Variants in DCAF6 observed in about 807,000 individuals in gnomAD.
DCAF6 encodes the protein DDB1 and CUL4 associated factor 6.
Under a neutral mutation model 125.1 loss-of-function variants are expected in DCAF6, and 54 were observed. The observed-to-expected ratio is 0.43, with a 90% CI of 0.35 to 0.54. DCAF6 has a LOEUF of 0.54. Ranked by LOEUF, DCAF6 falls within the 20% of genes least tolerant of loss-of-function variation. The pLI is 0.01. For synonymous variants in DCAF6, 371 were observed against 390.4 expected (o/e 0.95, Z 0.58); for missense variants, 934 against 1,161.7 (o/e 0.80, Z 2.85).
chr1:167,984,011 C>G (rs1488351254), intron 4 of DCAF6, among the ~76,000 whole-genome samples: 2 of 152,188 alleles, frequency 1.3e-5, no homozygotes, highest in East Asian at 3.8e-4. Context: ...TTTTTTACAA[C>G]TACCATAGTC....
chr1:167,947,974 T>G (rs1322789049), intron 1 of DCAF6, among the ~76,000 whole-genome samples: 2 of 152,182 alleles, frequency 1.3e-5, no homozygotes, highest in Non-Finnish European at 2.9e-5. Context: ...GGTGTTGAAT[T>G]TTCACACTAT....
At position 168,065,634 on chromosome 1, in the gene DCAF6, T is replaced by G. The variant is rs1285017895; in HGVS notation, c.2484T>G (p.Gly828=). Residue 828 remains glycine (G), a synonymous_variant, in exon 19 of 22, where the codon GGT becomes GGG. Transcript: ENST00000367840. ...NFWGANFVMS[G]SDCGHIFIWD... is the part of the protein sequence containing the mutation. ...GGGGTGCTAACTTTGTAATGAGTGGTTCTGACTGTGGCCACATTTTCATCT... is the reference window on the plus strand; with the variant it reads ...GGGGTGCTAACTTTGTAATGAGTGGGTCTGACTGTGGCCACATTTTCATCT... 1 of 1,612,826 alleles carries G rather than the reference T, an allele frequency of 6.2e-7. No individual in the cohort carries two copies. The highest frequency in any genetic ancestry group is 2.2e-5 in the East Asian group (1 of 44,866).
At chr1:168,074,907 T>C (rs1367537094) in intron 21 of DCAF6, among the ~76,000 whole-genome samples, 1 of 152,236 alleles carries the variant, frequency 6.6e-6, no homozygotes, top group Admixed American at 6.5e-5. Flanking sequence ...GAAATTTACA[T>C]CTGTTTTGGT....
chr1:168,065,813 T>C, intron 19 of DCAF6, 67 bp downstream of exon 19: 2 of 1,425,496 alleles, frequency 1.4e-6, no homozygotes, highest in Non-Finnish European at 9.6e-7. Flanking sequence ...TACAAAATTA[T>C]TCTTTTTTAA....
intron 12 of DCAF6, 164 bp downstream of exon 12, chr1:168,023,211 T>G: frequency 1.4e-6 from 1 of 717,368 alleles, no homozygotes; most frequent in Non-Finnish European, 2.4e-6. Flanking sequence ...ATAAAAGGTC[T>G]TTTTGGCCTA....
chr1:167,864,055 G>A, the DCAF6 span, among the ~76,000 whole-genome samples: 1 of 152,176 alleles, frequency 6.6e-6, no homozygotes, highest in Non-Finnish European at 1.5e-5. Context: ...CGGCACTTTG[G>A]TTTTTGTTTT....
chr1:168,023,202 TA>T lies in DCAF6; in HGVS notation c.1609+159del, dbSNP rs1557991440. ...AAATTACAATAGGTGGTATTGTACA[TA>T]AAAGGTCTTTTTGGCCTATACAGAT... On this transcript the variant is annotated intron_variant, in intron 12 of 21. Transcript: ENST00000367840. 4 of 769,552 alleles carry T rather than the reference TA, an allele frequency of 5.2e-6. No individual in the cohort carries two copies. In the African/African-American group the frequency reaches 7.0e-5, roughly 13 times the overall value. 47.7% of individuals were successfully genotyped at this position (769,552 alleles called of 1,614,324 possible).
the DCAF6 span, chr1:167,880,078 G>GGCTC: frequency 6.3e-7 from 1 of 1,575,480 alleles, no homozygotes; most frequent in South Asian, 1.1e-5. Flanking sequence ...TGCTGTGTTT[G>GGCTC]CAGAAAGAAA....
At chr1:167,907,139 G>A in the DCAF6 span, among the ~76,000 whole-genome samples, 7 of 152,132 alleles carry the variant, frequency 4.6e-5, no homozygotes, top group Non-Finnish European at 8.8e-5. Flanking sequence ...GAACTGACAG[G>A]TGTAATGTCA....
At chr1:168,070,394 G>A (rs373366246) in intron 21 of DCAF6, among the ~76,000 whole-genome samples, 4 of 152,066 alleles carry the variant, frequency 2.6e-5, no homozygotes, top group African/African-American at 9.7e-5. Flanking sequence ...ATATTCAGGA[G>A]AGTTAAAAAT....
chr1:168,023,254 A>G, intron 12 of DCAF6: 1 of 576,380 alleles, frequency 1.7e-6, no homozygotes, highest in Non-Finnish European at 3.1e-6. Context: ...CTCATTTCTC[A>G]CTTTGGCCCT....
At chr1:167,990,125 T>G (rs1205880680) in intron 5 of DCAF6, among the ~76,000 whole-genome samples, 2 of 152,206 alleles carry the variant, frequency 1.3e-5, no homozygotes, top group Non-Finnish European at 2.9e-5. Context: ...TAATTTTTTG[T>G]TATATTTTAA....
At chr1:167,993,605 T>C (rs1008685053) in intron 7 of DCAF6, among the ~76,000 whole-genome samples, 165 bp downstream of exon 7, 2 of 152,060 alleles carry the variant, frequency 1.3e-5, no homozygotes, top group Non-Finnish European at 2.9e-5. Flanking sequence ...CAAAATTAGC[T>C]GAGCGTGGTG....
the DCAF6 span, among the ~76,000 whole-genome samples, chr1:167,900,257 T>C: frequency 1.3e-5 from 2 of 152,230 alleles, no homozygotes; most frequent in Non-Finnish European, 2.9e-5. Flanking sequence ...TGTTTATTTT[T>C]TATCTTCGCT....
the DCAF6 span, among the ~76,000 whole-genome samples, chr1:167,910,245 A>G: frequency 5.3e-5 from 8 of 152,158 alleles, no homozygotes; most frequent in Non-Finnish European, 1.0e-4. Flanking sequence ...ACCTTTTCAT[A>G]TGTTAACTAG....
At chr1:167,984,342 ATATCT>A (rs1161295058) in intron 4 of DCAF6, among the ~76,000 whole-genome samples, 2 of 152,244 alleles carry the variant, frequency 1.3e-5, no homozygotes, top group African/African-American at 4.8e-5. Context: ...ATTTCTGAAC[ATATCT>A]TATAAAGGCA....
At chr1:167,959,243 A>C (rs952205363) in intron 2 of DCAF6, among the ~76,000 whole-genome samples, 2 of 152,172 alleles carry the variant, frequency 1.3e-5, no homozygotes, top group Admixed American at 1.3e-4. Context: ...ATAATACTTC[A>C]TTCTGTAGAT....
upstream of DCAF6, among the ~76,000 whole-genome samples, chr1:167,932,138 T>C (rs1301875204): frequency 6.6e-6 from 1 of 152,170 alleles, no homozygotes; most frequent in African/African-American, 2.4e-5. Context: ...CAGATAGCTG[T>C]TTTTGGGACT....
At chr1:167,958,397 G>A (rs996067544) in intron 2 of DCAF6, among the ~76,000 whole-genome samples, 7 of 151,222 alleles carry the variant, frequency 4.6e-5, no homozygotes, top group Admixed American at 4.6e-4. Context: ...TTGGTGAAAA[G>A]ACTTTTCTTT....
Sources: gnomAD v4.1 joint callset for allele counts (sites outside exome capture counted in the v4.1 genomes callset) on GRCh38, gnomAD v4.1.1 for gene constraint, MANE v1.5 for transcripts, NCBI Gene and HGNC (gene_info 2026-07-23, HGNC 2026-07-21) for gene names.